Variants in PRDM6 observed in about 807,000 individuals in gnomAD.
PRDM6 encodes PR/SET domain 6.
In PRDM6, 25 loss-of-function variants were observed where a neutral mutation model predicts 60.8. The ratio of observed to expected loss-of-function variants is 0.41; its 90% confidence interval spans 0.30 to 0.57. PRDM6 has a LOEUF of 0.57. Ranked by LOEUF, PRDM6 falls within the 20% of genes least tolerant of loss-of-function variation. PRDM6 has a pLI of 0.27. For missense variants in PRDM6, 839 were observed against 821.3 expected (o/e 1.02, Z -0.26); for synonymous variants, 407 against 357.4 (o/e 1.14, Z -1.57).
In PRDM6 at chr5:123,193,586, C is replaced by G. The variant is rs1766470417; in HGVS notation, c.*6385C>G. 6.6e-6 allele frequency: 1 copy of G among 152,182 alleles called. No homozygotes were observed. Among genetic ancestry groups the G allele is most frequent in the Non-Finnish European group, 1.5e-5 (1 of 68,026 alleles). 9.4% of individuals were successfully genotyped at this position (152,182 alleles called of 1,614,324 possible). A position where few individuals can be genotyped will look rare whatever the true frequency, so the allele number is the denominator to read the frequency against. ...TTCTCCTTAGCAGTTCTAAGTATTT[C>G]ATGAAAAAGCCTTCCCCCAGTTTAA... On this transcript the variant is annotated 3_prime_UTR_variant, in exon 8 of 8. Transcript: ENST00000407847.
chr5:123,171,093 C>T lies in PRDM6; in HGVS notation c.1481C>T (p.Thr494Met), dbSNP rs756148115. ...ATCCTCTTACAGATGCACGTGTGCACGCAGAACCCCGACAGGTAACCCTGA... is the reference window on the plus strand; with the variant it reads ...ATCCTCTTACAGATGCACGTGTGCATGCAGAACCCCGACAGGTAACCCTGA... Reference protein sequence around the residue: ...QRILLQMHVCTQNPDRPYQCG... With the variant: ...QRILLQMHVCMQNPDRPYQCG... The change falls in exon 6 of 8, where the codon ACG becomes ATG. Residue 494 changes from threonine to methionine, a missense_variant. Around this residue, in one of 2 missense-constraint regions of PRDM6, gnomAD observed 109 missense variants for 172.6 expected, o/e 0.63. Coordinates refer to ENST00000407847, the MANE Select transcript of PRDM6 (RefSeq NM_001136239.4). 2.2e-5 allele frequency: 34 copies of T among 1,539,658 alleles called. No homozygotes were observed. Among genetic ancestry groups the T allele is most frequent in the South Asian group, 6.1e-5 (5 of 81,948 alleles).
At chr5:123,116,665 T>G (rs150178801) in intron 3 of PRDM6, among the ~76,000 whole-genome samples, 1 of 152,320 alleles carries the variant, frequency 6.6e-6, no homozygotes, top group East Asian at 1.9e-4. Context: ...ACAAGACAAT[T>G]TGCTTTAGGC....
At chr5:123,102,424 GTTCT>G (rs1764124254) in intron 3 of PRDM6, among the ~76,000 whole-genome samples, 1 of 151,592 alleles carries the variant, frequency 6.6e-6, no homozygotes, top group African/African-American at 2.4e-5. Context: ...TTAAATTTTA[GTTCT>G]TTCTTTCAAA....
intron 6 of PRDM6, among the ~76,000 whole-genome samples, chr5:123,175,357 T>C (rs1257121378): frequency 6.6e-6 from 1 of 152,216 alleles, no homozygotes; most frequent in African/African-American, 2.4e-5. Flanking sequence ...TTAAGTATCA[T>C]TGTTTGTAAG....
At position 123,099,554 on chromosome 5, in the gene PRDM6, G is replaced by A. The variant is rs1764048198; in HGVS notation, c.593-100G>A. ...TCCTCGAAGGTGGCTTACCCAGGCG[G>A]GCGGTGATGCTGTTGTCTCGGGAGT... On this transcript the variant is annotated intron_variant, in intron 2 of 7. Transcript: ENST00000407847. The surrounding 1 kb of genome is among the most constrained non-coding windows in gnomAD (Gnocchi z 4.0). 4 of 1,130,946 alleles carry A rather than the reference G, an allele frequency of 3.5e-6. No homozygotes were observed. Among genetic ancestry groups the A allele is most frequent in the South Asian group, 3.7e-5 (2 of 54,700 alleles). 70.1% of individuals were successfully genotyped at this position (1,130,946 alleles called of 1,614,324 possible).
chr5:123,132,197 A>G (rs35846526), intron 3 of PRDM6, among the ~76,000 whole-genome samples: 1,852 of 152,246 alleles, frequency 0.012, 18 homozygotes, highest in Middle Eastern at 0.054. Flanking sequence ...TCCTTTGTCT[A>G]TTACTTGAGC....
intron 2 of PRDM6, 27 bp downstream of exon 2, chr5:123,090,633 C>G (rs748037601): frequency 6.9e-7 from 1 of 1,453,960 alleles, no homozygotes; most frequent in East Asian, 3.0e-5. Context: ...CGCGCGCTCT[C>G]TCCCGGGGCG....
chr5:123,133,011 G>T (rs1222940397), intron 3 of PRDM6, among the ~76,000 whole-genome samples: 3 of 152,050 alleles, frequency 2.0e-5, no homozygotes, highest in African/African-American at 7.2e-5. Context: ...AAAATGTACA[G>T]TATTCTAATA....
intron 5 of PRDM6, among the ~76,000 whole-genome samples, chr5:123,162,030 G>A (rs1243210630): frequency 6.6e-6 from 1 of 152,204 alleles, no homozygotes; most frequent in Non-Finnish European, 1.5e-5. Flanking sequence ...AGCATTTTCT[G>A]ACACATTAGA....
rs1382434949 is a variant in PRDM6, at chr5:123,193,812, T to A, written c.*6611T>A. 6.6e-6 allele frequency: 1 copy of A among 152,220 alleles called. No individual in the cohort carries two copies. The highest frequency in any genetic ancestry group is 1.5e-5 in the Non-Finnish European group (1 of 68,042). 9.4% of individuals were successfully genotyped at this position (152,220 alleles called of 1,614,324 possible). A position where few individuals can be genotyped will look rare whatever the true frequency, so the allele number is the denominator to read the frequency against. The stretch of plus-strand genomic sequence containing the variant: ...ATACATTTCTTTAATGTGGTTATTT[T>A]AAGTTTAGGACTGTAAATGTTCCCT... On this transcript the variant is annotated 3_prime_UTR_variant, in exon 8 of 8. Transcript: ENST00000407847.
chr5:123,179,566 C>T (rs1026275601), intron 6 of PRDM6, among the ~76,000 whole-genome samples: 2 of 152,168 alleles, frequency 1.3e-5, no homozygotes, highest in African/African-American at 2.4e-5. Context: ...TGCTGACTTG[C>T]CTGTGTGTTT....
chr5:123,185,922 C>T (rs1766278617), intron 7 of PRDM6, among the ~76,000 whole-genome samples: 2 of 152,212 alleles, frequency 1.3e-5, no homozygotes, highest in Admixed American at 1.3e-4. Context: ...TGGCTTTTGC[C>T]ACAGCTTTCA....
chr5:123,124,830 GAT>G (rs1246974378), intron 3 of PRDM6, among the ~76,000 whole-genome samples: 1 of 151,954 alleles, frequency 6.6e-6, no homozygotes, highest in East Asian at 1.9e-4. Flanking sequence ...CCTCTGAAAG[GAT>G]ATGTTTTCAA....
At chr5:123,151,820 G>A (rs1212694606) in intron 3 of PRDM6, among the ~76,000 whole-genome samples, 1 of 152,062 alleles carries the variant, frequency 6.6e-6, no homozygotes, top group Non-Finnish European at 1.5e-5. Flanking sequence ...GTCTCAGAGA[G>A]TCATAGTGGG....
intron 3 of PRDM6, among the ~76,000 whole-genome samples, chr5:123,142,219 A>G (rs900933529): frequency 6.6e-6 from 1 of 152,176 alleles, no homozygotes; most frequent in Non-Finnish European, 1.5e-5. Context: ...TCAAGTACTT[A>G]TATTAAGACA....
intron 3 of PRDM6, among the ~76,000 whole-genome samples, chr5:123,111,439 C>A (rs1413023843): frequency 1.3e-5 from 2 of 152,214 alleles, no homozygotes; most frequent in Non-Finnish European, 2.9e-5. Context: ...TGGCTCACGT[C>A]TGTAATCCCA....
intron 3 of PRDM6, among the ~76,000 whole-genome samples, chr5:123,103,667 C>G (rs995338277): frequency 6.6e-6 from 1 of 151,936 alleles, no homozygotes; most frequent in African/African-American, 2.4e-5. Context: ...TCTAGTTGCA[C>G]ACGGTTTCCT....
intron 3 of PRDM6, among the ~76,000 whole-genome samples, chr5:123,139,280 C>T (rs555644411): frequency 1.3e-5 from 2 of 152,070 alleles, no homozygotes; most frequent in East Asian, 3.9e-4. Flanking sequence ...ATTAAATTAG[C>T]AGTTCTTTGA....
intron 3 of PRDM6, among the ~76,000 whole-genome samples, chr5:123,101,549 A>G (rs1468825442): frequency 6.6e-6 from 1 of 152,254 alleles, no homozygotes; most frequent in African/African-American, 2.4e-5. Context: ...TCATATAGTT[A>G]AAGGTCTGCC....
Sources: allele counts gnomAD v4.1 joint callset (sites outside exome capture counted in the v4.1 genomes callset), GRCh38; gene constraint gnomAD v4.1.1; regional missense constraint gnomAD v4.1.1; non-coding constraint Gnocchi (gnomAD v3.1); transcripts MANE v1.5; gene names NCBI Gene and HGNC (gene_info 2026-07-23, HGNC 2026-07-21).